BRINP3: variants seen among roughly 807,000 people sequenced by gnomAD.
BRINP3 encodes BMP/retinoic acid-inducible neural-specific protein 3.
BRINP3 carries 19 observed loss-of-function variants against 71.0 expected under a neutral mutation model. The observed-to-expected ratio is 0.27, with a 90% confidence interval of 0.19 to 0.39. BRINP3 has a LOEUF of 0.39. BRINP3 is among the 10% of genes least tolerant of loss of function. The pLI is 1.00. For missense variants in BRINP3, 959 were observed against 940.8 expected (o/e 1.02, Z -0.25); for synonymous variants, 380 against 337.7 (o/e 1.13, Z -1.37).
intron 2 of BRINP3, among the ~76,000 whole-genome samples, chr1:190,361,195 T>TGAGG (rs1389060284): frequency 6.6e-6 from 1 of 151,880 alleles, no homozygotes; most frequent in Non-Finnish European, 1.5e-5. Context: ...GGTCAGTTTA[T>TGAGG]GAGGGCATTA....
chr1:190,432,590 T>C (rs1047018985), intron 2 of BRINP3, among the ~76,000 whole-genome samples: 1 of 152,172 alleles, frequency 6.6e-6, no homozygotes, highest in African/African-American at 2.4e-5. Context: ...CTGATACTTT[T>C]TGAACAAGAT....
At chr1:190,388,981 C>A (rs1413878594) in intron 2 of BRINP3, among the ~76,000 whole-genome samples, 3 of 151,536 alleles carry the variant, frequency 2.0e-5, no homozygotes, top group African/African-American at 7.3e-5. Flanking sequence ...GAGTACTAGG[C>A]ACAAGAGTAG....
intron 2 of BRINP3, among the ~76,000 whole-genome samples, chr1:190,338,753 G>A (rs1051288622): frequency 2.0e-5 from 3 of 151,684 alleles, no homozygotes; most frequent in African/African-American, 7.3e-5. Context: ...TAGAAATAAT[G>A]ACAGTTGATC....
chr1:190,111,780 T>C (rs896062239), intron 7 of BRINP3, among the ~76,000 whole-genome samples: 1 of 152,126 alleles, frequency 6.6e-6, no homozygotes, highest in African/African-American at 2.4e-5. Flanking sequence ...TGAATCATAA[T>C]TGGCCCTGAA....
intron 2 of BRINP3, among the ~76,000 whole-genome samples, chr1:190,286,352 T>C (rs1433359621): frequency 6.6e-6 from 1 of 152,168 alleles, no homozygotes; most frequent in East Asian, 1.9e-4. Context: ...ATTGCCACAT[T>C]GCCATTAACC....
intron 2 of BRINP3, among the ~76,000 whole-genome samples, chr1:190,383,877 T>G (rs1441243891): frequency 6.6e-6 from 1 of 152,034 alleles, no homozygotes; most frequent in Admixed American, 6.6e-5. Context: ...GATTATTAAG[T>G]GCTTATTAAG....
intron 2 of BRINP3, among the ~76,000 whole-genome samples, chr1:190,307,270 T>TTG (rs1558166331): frequency 2.4e-5 from 3 of 125,066 alleles, no homozygotes; most frequent in African/African-American, 8.9e-5. Context: ...TTTTTTTTTT[T>TTG]TTTTTTTTTT....
chr1:190,423,766 A>G (rs934770066), intron 2 of BRINP3, among the ~76,000 whole-genome samples: 4 of 151,828 alleles, frequency 2.6e-5, no homozygotes, highest in African/African-American at 9.6e-5. Flanking sequence ...ACTATCATAC[A>G]TATACACACA....
At chr1:190,205,518 T>G (rs1486202424) in intron 6 of BRINP3, among the ~76,000 whole-genome samples, 1 of 152,048 alleles carries the variant, frequency 6.6e-6, no homozygotes, top group Non-Finnish European at 1.5e-5. Context: ...GGGCAAAAGG[T>G]GCATTAATTG....
At chr1:190,105,061 G>A (rs1342827982) in intron 7 of BRINP3, among the ~76,000 whole-genome samples, 2 of 152,006 alleles carry the variant, frequency 1.3e-5, no homozygotes, top group Non-Finnish European at 2.9e-5. Flanking sequence ...ATTTAAGCAA[G>A]CATAAGCTGA....
At chr1:190,144,916 T>C (rs1057452355) in intron 7 of BRINP3, among the ~76,000 whole-genome samples, 7 of 152,170 alleles carry the variant, frequency 4.6e-5, no homozygotes, top group Admixed American at 2.6e-4. Context: ...TCTCCAGATA[T>C]ACATATGGCA....
intron 7 of BRINP3, among the ~76,000 whole-genome samples, chr1:190,108,614 T>C (rs1652399124): frequency 6.9e-6 from 1 of 145,482 alleles, no homozygotes. Context: ...CTAGTATGCC[T>C]AACCATCTAT....
chr1:190,100,062 A>G (rs1418561974), intron 7 of BRINP3, among the ~76,000 whole-genome samples: 1 of 152,204 alleles, frequency 6.6e-6, no homozygotes, highest in Non-Finnish European at 1.5e-5. Context: ...AAAGTTGCAC[A>G]GCCTCTATAA....
chr1:190,208,279 CAT>C (rs1388144806), intron 6 of BRINP3, among the ~76,000 whole-genome samples: 4 of 151,836 alleles, frequency 2.6e-5, no homozygotes, highest in Non-Finnish European at 5.9e-5. Flanking sequence ...ACTCTTATAT[CAT>C]GTGTTTTTGT....
intron 2 of BRINP3, among the ~76,000 whole-genome samples, chr1:190,315,518 G>T (rs561115092): frequency 6.6e-6 from 1 of 152,248 alleles, no homozygotes; most frequent in East Asian, 1.9e-4. Flanking sequence ...CATAAATTCG[G>T]AAGTCTTCAG....
At chr1:190,393,655 T>C (rs551483789) in intron 2 of BRINP3, among the ~76,000 whole-genome samples, 3 of 151,724 alleles carry the variant, frequency 2.0e-5, no homozygotes, top group African/African-American at 4.8e-5. Context: ...AAATCATGTA[T>C]TTAAAAAGAG....
At chr1:190,341,729 A>C (rs1667671250) in intron 2 of BRINP3, among the ~76,000 whole-genome samples, 1 of 151,856 alleles carries the variant, frequency 6.6e-6, no homozygotes, top group Non-Finnish European at 1.5e-5. Flanking sequence ...AAAAAAAATT[A>C]CATGCACAAA....
At chr1:190,388,014 G>A (rs543522091) in intron 2 of BRINP3, among the ~76,000 whole-genome samples, 1 of 151,582 alleles carries the variant, frequency 6.6e-6, no homozygotes, top group African/African-American at 2.4e-5. Flanking sequence ...ACATGTATAT[G>A]TACATTAATT....
intron 4 of BRINP3, among the ~76,000 whole-genome samples, chr1:190,264,024 C>A (rs1444600070): frequency 1.3e-5 from 2 of 152,142 alleles, no homozygotes; most frequent in Non-Finnish European, 2.9e-5. Context: ...AATGCTCTCT[C>A]TATATTATTT....
Sources: gnomAD v4.1 joint callset for allele counts (sites outside exome capture counted in the v4.1 genomes callset) on GRCh38, gnomAD v4.1.1 for gene constraint, MANE v1.5 for transcripts, NCBI Gene and HGNC (gene_info 2026-07-23, HGNC 2026-07-21) for gene names.